The following LRRC4C variants were observed in gnomAD, a reference collection of about 807,000 sequenced individuals.
The protein encoded by LRRC4C is leucine-rich repeat-containing protein 4C.
Under a neutral mutation model 33.6 loss-of-function variants are expected in LRRC4C, and 5 were observed. The ratio of observed to expected loss-of-function variants is 0.15; its 90% CI spans 0.08 to 0.31. LRRC4C has a LOEUF of 0.31. LRRC4C is among the 10% of genes least tolerant of loss of function. The probability of loss-of-function intolerance (pLI) is 1.00; values close to 1 mark genes in which losing one functional copy is unlikely to be tolerated. For synonymous variants in LRRC4C, 329 were observed against 302.0 expected (o/e 1.09, Z -0.93); for missense variants, 560 against 796.7 (o/e 0.70, Z 3.58).
At chr11:40,278,781 G>A (rs1357653073) in intron 4 of LRRC4C, among the ~76,000 whole-genome samples, 3 of 81,646 alleles carry the variant, frequency 3.7e-5, no homozygotes, top group African/African-American at 5.0e-5. Context: ...ACCACCAGAC[G>A]TATGATAGAT....
At chr11:40,548,521 T>C (rs890130230) in intron 3 of LRRC4C, among the ~76,000 whole-genome samples, 1 of 152,068 alleles carries the variant, frequency 6.6e-6, no homozygotes, top group Non-Finnish European at 1.5e-5. Flanking sequence ...GACACCTTGA[T>C]TATTTCAAAC....
intron 1 of LRRC4C, among the ~76,000 whole-genome samples, chr11:40,998,582 T>A (rs1214758048): frequency 6.6e-6 from 1 of 152,156 alleles, no homozygotes; most frequent in Non-Finnish European, 1.5e-5. Context: ...AAGTCCTGAT[T>A]AGGCCTATGA....
At chr11:40,459,703 G>A (rs528326660) in intron 3 of LRRC4C, among the ~76,000 whole-genome samples, 1 of 152,286 alleles carries the variant, frequency 6.6e-6, no homozygotes, top group African/African-American at 2.4e-5. Context: ...CAAGGGTGAT[G>A]ACTCACAAAG....
chr11:40,448,132 C>T (rs572896713), intron 3 of LRRC4C, among the ~76,000 whole-genome samples: 5 of 152,260 alleles, frequency 3.3e-5, no homozygotes, highest in African/African-American at 1.2e-4. Flanking sequence ...GATGCTCCTG[C>T]TAAGCTATTA....
intron 2 of LRRC4C, among the ~76,000 whole-genome samples, chr11:40,665,043 C>A (rs929425026): frequency 6.7e-6 from 1 of 150,044 alleles, no homozygotes; most frequent in African/African-American, 2.5e-5. Context: ...TTTGTCCTTG[C>A]GGTAGTTTGC....
intron 1 of LRRC4C, among the ~76,000 whole-genome samples, chr11:41,404,098 G>A (rs966855874): frequency 6.6e-6 from 1 of 151,992 alleles, no homozygotes; most frequent in African/African-American, 2.4e-5. Context: ...GCCAACAGTG[G>A]TACAACCATT....
intron 5 of LRRC4C, among the ~76,000 whole-genome samples, chr11:40,144,806 A>G (rs555798700): frequency 6.6e-6 from 1 of 152,356 alleles, no homozygotes; most frequent in Admixed American, 6.5e-5. Flanking sequence ...GCCGTAGGCT[A>G]GTGATCTCCC....
At chr11:40,510,579 CA>C (rs1328958824) in intron 3 of LRRC4C, among the ~76,000 whole-genome samples, 5 of 152,028 alleles carry the variant, frequency 3.3e-5, no homozygotes, top group African/African-American at 1.2e-4. Context: ...AGCATAAAAA[CA>C]GAAGAAAATT....
chr11:40,843,623 A>G (rs1953015615), intron 2 of LRRC4C, among the ~76,000 whole-genome samples: 1 of 152,158 alleles, frequency 6.6e-6, no homozygotes, highest in Non-Finnish European at 1.5e-5. Flanking sequence ...GGAATCTGTT[A>G]TCTTAACATT....
chr11:40,895,161 G>C (rs1955884269), intron 2 of LRRC4C, among the ~76,000 whole-genome samples: 1 of 151,998 alleles, frequency 6.6e-6, no homozygotes, highest in Non-Finnish European at 1.5e-5. Flanking sequence ...TGACAGAAAT[G>C]CTAGAAATGT....
intron 5 of LRRC4C, among the ~76,000 whole-genome samples, chr11:40,236,087 C>T (rs1865533287): frequency 6.6e-6 from 1 of 151,442 alleles, no homozygotes; most frequent in Non-Finnish European, 1.5e-5. Context: ...AAATCCTCTT[C>T]AGCCTATGAA....
rs187072460 is a variant in LRRC4C at position 41,210,357 on chromosome 11, C to T, written c.-496+249074G>A. Among the ~76,000 whole-genome samples, 32 of 152,228 alleles carry T rather than the reference C, an allele frequency of 2.1e-4. No individual in the cohort carries two copies. In the East Asian group the frequency reaches 5.6e-3, roughly 27 times the overall value. ...TGTTCTCCTGGTCTTGAATAAGTCT[C>T]GCGAGATCTGATGGTTTTACAAGGG... On this transcript the variant is annotated intron_variant, in intron 1 of 6. Transcript: ENST00000528697.
intron 1 of LRRC4C, among the ~76,000 whole-genome samples, chr11:40,988,588 T>C (rs1208464918): frequency 6.6e-6 from 1 of 152,084 alleles, no homozygotes; most frequent in East Asian, 1.9e-4. Context: ...TGGTCATTGA[T>C]ACTGCGGTTA....
intron 1 of LRRC4C, among the ~76,000 whole-genome samples, chr11:41,037,692 T>G (rs1489503197): frequency 2.6e-5 from 4 of 152,140 alleles, no homozygotes; most frequent in African/African-American, 9.7e-5. Flanking sequence ...TTAGGAAAAC[T>G]GAGACTTAGA....
intron 1 of LRRC4C, among the ~76,000 whole-genome samples, chr11:41,195,116 C>T (rs1390748135): frequency 6.6e-6 from 1 of 151,948 alleles, no homozygotes; most frequent in Non-Finnish European, 1.5e-5. Context: ...TCTTTTGCTC[C>T]CCTGTATTTT....
intron 3 of LRRC4C, among the ~76,000 whole-genome samples, chr11:40,429,247 T>C (rs1260064654): frequency 1.3e-5 from 2 of 152,168 alleles, no homozygotes; most frequent in Non-Finnish European, 2.9e-5. Context: ...CTAATTTTTA[T>C]ATTTTTAGTA....
chr11:41,413,791 G>T (rs146090437), intron 1 of LRRC4C, among the ~76,000 whole-genome samples: 202 of 152,246 alleles, frequency 1.3e-3, no homozygotes, highest in Non-Finnish European at 2.5e-3. Context: ...TTAAATCAAG[G>T]TGTTGTCACT....
intron 2 of LRRC4C, among the ~76,000 whole-genome samples, chr11:40,805,243 T>C (rs970852935): frequency 6.6e-6 from 1 of 152,146 alleles, no homozygotes; most frequent in African/African-American, 2.4e-5. Flanking sequence ...TTTAGGATCC[T>C]ATGGCAGCTA....
chr11:40,839,120 C>G (rs1415886261), intron 2 of LRRC4C, among the ~76,000 whole-genome samples: 1 of 152,106 alleles, frequency 6.6e-6, no homozygotes, highest in Non-Finnish European at 1.5e-5. Flanking sequence ...GCAATACTGT[C>G]TCTAAATTTT....
Sources: gnomAD v4.1 joint callset for allele counts (sites outside exome capture counted in the v4.1 genomes callset) on GRCh38, gnomAD v4.1.1 for gene constraint, MANE v1.5 for transcripts, NCBI Gene and HGNC (gene_info 2026-07-23, HGNC 2026-07-21) for gene names.